Variants in NBPF14 observed in about 807,000 individuals in gnomAD.
The protein encoded by NBPF14 is NBPF family member NBPF14.
A neutral mutation model predicts 91.2 loss-of-function variants in NBPF14; 104 were observed. That is an observed-to-expected ratio of 1.14 (90% CI 0.97 to 1.34). The LOEUF is 1.34. NBPF14 is among the 40% of genes most tolerant of loss of function. NBPF14 has a pLI of 0.00. For missense variants in NBPF14, 908 were observed against 783.0 expected (o/e 1.16, Z -1.91); for synonymous variants, 294 against 303.8 (o/e 0.97, Z 0.34).
intron 27 of NBPF14, 74 bp from the exon 28 acceptor site, chr1:148,567,077 C>A: frequency 5.8e-6 from 1 of 172,252 alleles, no homozygotes; most frequent in South Asian, 3.0e-5. Context: ...CTGTCTAATC[C>A]CCACACAGGG....
chr1:148,533,801 T>G lies in NBPF14; in HGVS notation c.8723+60A>C, dbSNP rs1488044752. ...GACATCAAACACACTCTGGTTTCCCTGAATCTGTTGCCTCCAGGAGTTAAC... is the reference window on the plus strand; with the variant it reads ...GACATCAAACACACTCTGGTTTCCCGGAATCTGTTGCCTCCAGGAGTTAAC... On this transcript the variant is annotated intron_variant, in intron 70 of 70. Coordinates refer to ENST00000619423, the Ensembl canonical transcript of NBPF14. 1,256 of 766,168 alleles carry G rather than the reference T, an allele frequency of 1.6e-3. 26 individuals carry two copies. In the African/African-American group the frequency reaches 0.019, roughly 12 times the overall value. The allele number at this position is 766,168 out of a possible 1,614,324, so 47.5% of individuals were successfully genotyped here.
chr1:148,587,216 G>T lies in NBPF14; in HGVS notation c.1091+85C>A, dbSNP rs1267774098. 2.3e-4 allele frequency: 274 copies of T among 1,192,240 alleles called. 17 individuals carry two copies. The highest frequency in any genetic ancestry group is 1.2e-3 in the South Asian group (94 of 80,976). The allele number at this position is 1,192,240 out of a possible 1,614,324, so 73.9% of individuals were successfully genotyped here. A position where few individuals can be genotyped will look rare whatever the true frequency, so the allele number is the denominator to read the frequency against. On this transcript the variant is annotated intron_variant, in intron 8 of 70. Coordinates refer to ENST00000619423, the Ensembl canonical transcript of NBPF14. ...TTCCTGCCCTTCCCCTGGCCCAGCTGAGCTCTTACGTCTCCCCACTGAGCT... is the reference window on the plus strand; with the variant it reads ...TTCCTGCCCTTCCCCTGGCCCAGCTTAGCTCTTACGTCTCCCCACTGAGCT...
intron 14 of NBPF14, among the ~76,000 whole-genome samples, chr1:148,577,693 G>A (rs1660156977): frequency 6.8e-6 from 1 of 146,586 alleles, no homozygotes; most frequent in Non-Finnish European, 1.5e-5. Flanking sequence ...ATCATGAAAA[G>A]CATGTCCTCA....
intron 28 of NBPF14, 99 bp from the exon 29 acceptor site, chr1:148,566,414 A>G: frequency 3.2e-6 from 2 of 620,210 alleles, no homozygotes; most frequent in Non-Finnish European, 5.7e-6. Context: ...TGGTTAAAAA[A>G]CTAAAAGGAT....
At chr1:148,577,495 T>G (rs1419937099) in intron 14 of NBPF14, 140 bp from the exon 15 acceptor site, 1 of 707,740 alleles carries the variant, frequency 1.4e-6, no homozygotes, top group African/African-American at 1.8e-5. Flanking sequence ...AATTATTGCC[T>G]TTATGTTGGG....
At chr1:148,534,965 A>T (rs1174963828) in intron 68 of NBPF14, 109 bp from the exon 69 acceptor site, 2 of 739,196 alleles carry the variant, frequency 2.7e-6, no homozygotes, top group Non-Finnish European at 5.0e-6. Flanking sequence ...GAAAAAGGAC[A>T]GATCCATTAA....
At chr1:148,577,454 G>C (rs1660036918) in intron 14 of NBPF14, 99 bp from the exon 15 acceptor site, 8 of 671,946 alleles carry the variant, frequency 1.2e-5, no homozygotes, top group Non-Finnish European at 2.2e-5. Flanking sequence ...AGTTTGAAAA[G>C]AAAAAGGACA....
rs1364814713 is a variant in NBPF14, at chr1:148,587,226, G to A, written c.1091+75C>T. The A allele has an allele frequency of 3.5e-3, 4,620 of 1,302,348 alleles. 233 individuals are homozygous for A. The African/African-American group carries it at 0.056, about 16-fold the overall frequency. The allele number at this position is 1,302,348 out of a possible 1,614,324, so 80.7% of individuals were successfully genotyped here. A position where few individuals can be genotyped will look rare whatever the true frequency, so the allele number is the denominator to read the frequency against. On this transcript the variant is annotated intron_variant, in intron 8 of 70. Transcript: ENST00000619423. Reference sequence around the variant, plus strand: ...TCCCCTGGCCCAGCTGAGCTCTTACGTCTCCCCACTGAGCTGCTGTACTTC... The same window carrying A: ...TCCCCTGGCCCAGCTGAGCTCTTACATCTCCCCACTGAGCTGCTGTACTTC...
chr1:148,566,508 G>GAT (rs1553334858), intron 28 of NBPF14, among the ~76,000 whole-genome samples, 193 bp from the exon 29 acceptor site: 1 of 122,022 alleles, frequency 8.2e-6, no homozygotes, highest in Non-Finnish European at 1.8e-5. Flanking sequence ...GAGAAAGACA[G>GAT]ACACACACAC....
intron 63 of NBPF14, among the ~76,000 whole-genome samples, chr1:148,539,010 A>G (rs1655443630): frequency 8.2e-5 from 1 of 12,220 alleles, no homozygotes; most frequent in African/African-American, 6.0e-4. Context: ...TTCCAGGAGG[A>G]AAACTAAAGT....
chr1:148,577,466 A>G (rs1226919542), intron 14 of NBPF14, 111 bp from the exon 15 acceptor site: 8 of 696,894 alleles, frequency 1.1e-5, no homozygotes, highest in Non-Finnish European at 1.8e-5. Context: ...AAAAGGACAG[A>G]TCCATTAATG....
chr1:148,566,597 A>G (rs1658451836), intron 28 of NBPF14, among the ~76,000 whole-genome samples: 1 of 142,260 alleles, frequency 7.0e-6, no homozygotes, highest in Admixed American at 7.0e-5. Context: ...TGACACACTG[A>G]TGAGGGAGTA....
rs782480032 is a variant in NBPF14 at position 148,533,972 on chromosome 1, G to A, written c.8615-3C>T. 2.8e-6 allele frequency: 2 copies of A among 704,796 alleles called. No homozygotes were observed. The highest frequency in any genetic ancestry group is 1.8e-5 in the African/African-American group (1 of 54,418). 43.7% of individuals were successfully genotyped at this position (704,796 alleles called of 1,614,324 possible). A position where few individuals can be genotyped will look rare whatever the true frequency, so the allele number is the denominator to read the frequency against. On this transcript the variant is annotated splice_polypyrimidine_tract_variant and splice_region_variant and intron_variant, in intron 69 of 70. Transcript: ENST00000619423. ...CCCCTTCCCCTTCTTTTCAATTTCT[G>A]CAATAAATTCAGACATGGACAGACA... is the stretch of plus-strand genomic sequence containing the variant.
At chr1:148,534,583 A>C in intron 69 of NBPF14, 101 bp downstream of exon 69, 1 of 835,030 alleles carries the variant, frequency 1.2e-6, no homozygotes, top group Non-Finnish European at 2.1e-6. Context: ...TGCCTGCGGC[A>C]ATGACATCTC....
At chr1:148,578,937 G>A in intron 13 of NBPF14, 137 bp downstream of exon 13, 1 of 687,706 alleles carries the variant, frequency 1.5e-6, no homozygotes, top group Non-Finnish European at 2.6e-6. Flanking sequence ...CAGAGTGACT[G>A]AAATCTACAT....
intron 70 of NBPF14, 66 bp downstream of exon 70, chr1:148,533,795 T>A (rs1423032322): frequency 1.0e-5 from 8 of 765,162 alleles, no homozygotes; most frequent in African/African-American, 6.8e-5. Flanking sequence ...CACACTCTGG[T>A]TTCCCTGAAT....
At chr1:148,533,762 T>C (rs1377967801) in intron 70 of NBPF14, 99 bp downstream of exon 70, 2 of 761,558 alleles carry the variant, frequency 2.6e-6, no homozygotes, top group Non-Finnish European at 4.8e-6. Flanking sequence ...TAATTCAGCC[T>C]TTGTTGAAAA....
chr1:148,566,028 G>A, intron 29 of NBPF14, 115 bp downstream of exon 29: 2 of 254,580 alleles, frequency 7.9e-6, no homozygotes, highest in South Asian at 2.5e-5. Flanking sequence ...GTGCCTATAG[G>A]TCCTCCCTGT....
At chr1:148,533,706 C>T (rs1654233402) in intron 70 of NBPF14, among the ~76,000 whole-genome samples, 155 bp downstream of exon 70, 1 of 150,846 alleles carries the variant, frequency 6.6e-6, no homozygotes, top group African/African-American at 2.5e-5. Context: ...GAAATGGAAA[C>T]CTAAACATCT....
Sources: gnomAD v4.1 joint callset for allele counts (sites outside exome capture counted in the v4.1 genomes callset) on GRCh38, gnomAD v4.1.1 for gene constraint, MANE v1.5 for transcripts, NCBI Gene and HGNC (gene_info 2026-07-23, HGNC 2026-07-21) for gene names.